ZFYVE9: variants seen among roughly 807,000 people sequenced by gnomAD.
ZFYVE9 encodes the protein zinc finger FYVE-type containing 9.
ZFYVE9 carries 43 observed loss-of-function variants against 126.7 expected under a neutral mutation model. The ratio of observed to expected loss-of-function variants is 0.34; its 90% CI spans 0.27 to 0.44. The LOEUF (loss-of-function observed/expected upper bound fraction) is 0.44. Among genes scored for constraint, ZFYVE9 ranks in the 20% least tolerant of loss-of-function variants. ZFYVE9 has a pLI of 1.00. For synonymous variants in ZFYVE9, 521 were observed against 597.4 expected (o/e 0.87, Z 1.87); for missense variants, 1,476 against 1,697.0 (o/e 0.87, Z 2.29).
intron 13 of ZFYVE9, among the ~76,000 whole-genome samples, chr1:52,318,591 G>A (rs1159596177): frequency 6.6e-6 from 1 of 151,440 alleles, no homozygotes; most frequent in African/African-American, 2.4e-5. Flanking sequence ...ATGTAATAAG[G>A]GGAAAAAAAA....
Position 52,238,888 on chromosome 1 carries a change from G to T in ZFYVE9, c.1471G>T (p.Val491Phe). ...YGMQDPGVSF[V>F]PKTLPSKEDS... is the part of the protein sequence containing the mutation. ...AATGCAAGACCCAGGTGTTTCTTTT[G>T]TTCCAAAGACTTTACCCTCCAAAGA... The change falls in exon 4 of 19, where the codon GTT (valine) becomes TTT (phenylalanine). Residue 491 changes from valine to phenylalanine, a missense_variant. By Grantham distance (50) the Val-to-Phe change is conservative (BLOSUM62 -1). This residue lies in a region of ZFYVE9 where 807 missense variants were observed against 794.6 expected (regional missense o/e 1.02). Transcript: ENST00000287727. 6.2e-7 allele frequency: 1 copy of T among 1,614,000 alleles called. No homozygotes were observed. The highest frequency in any genetic ancestry group is 8.5e-7 in the Non-Finnish European group (1 of 1,179,962).
At chr1:52,171,709 G>A (rs1366484561) in intron 1 of ZFYVE9, among the ~76,000 whole-genome samples, 1 of 152,014 alleles carries the variant, frequency 6.6e-6, no homozygotes, top group African/African-American at 2.4e-5. Flanking sequence ...GTATGAGATG[G>A]TATCTCATTG....
chr1:52,266,405 TA>T (rs33996604), intron 5 of ZFYVE9, among the ~76,000 whole-genome samples: 40,980 of 85,162 alleles, frequency 0.48, 10,047 homozygotes, highest in Middle Eastern at 0.64. Context: ...TCTAATTCTT[TA>T]AAAAAAAAAA....
At chr1:52,212,816 A>G (rs1460043880) in intron 1 of ZFYVE9, among the ~76,000 whole-genome samples, 1 of 152,234 alleles carries the variant, frequency 6.6e-6, no homozygotes, top group Non-Finnish European at 1.5e-5. Context: ...GAGAAATTAC[A>G]TGTAATGTGA....
intron 13 of ZFYVE9, among the ~76,000 whole-genome samples, chr1:52,320,003 G>A (rs1646223545): frequency 7.9e-6 from 1 of 127,026 alleles, no homozygotes; most frequent in Non-Finnish European, 1.7e-5. Context: ...CAGAGAGGGG[G>A]AGATTCTGTC....
At chr1:52,174,055 G>A (rs1377021890) in intron 1 of ZFYVE9, among the ~76,000 whole-genome samples, 2 of 151,724 alleles carry the variant, frequency 1.3e-5, no homozygotes, top group African/African-American at 4.8e-5. Flanking sequence ...GCTTTTGAAT[G>A]TGTTTGCTCT....
At chr1:52,299,062 C>G (rs1557507937) in intron 12 of ZFYVE9, among the ~76,000 whole-genome samples, 1 of 152,130 alleles carries the variant, frequency 6.6e-6, no homozygotes, top group Non-Finnish European at 1.5e-5. Flanking sequence ...CCCGCCTCTG[C>G]CTCCTAAAGT....
intron 10 of ZFYVE9, among the ~76,000 whole-genome samples, chr1:52,287,208 G>C (rs539699433): frequency 6.6e-6 from 1 of 152,206 alleles, no homozygotes; most frequent in African/African-American, 2.4e-5. Context: ...TCCTGCCTCA[G>C]CCTCCCAATT....
At chr1:52,201,704 G>T (rs186286743) in intron 1 of ZFYVE9, among the ~76,000 whole-genome samples, 1 of 151,486 alleles carries the variant, frequency 6.6e-6, no homozygotes, top group Non-Finnish European at 1.5e-5. Context: ...GATGCATTCC[G>T]ACAGTCTGTG....
chr1:52,268,784 A>G (rs1309404615), intron 7 of ZFYVE9, 152 bp downstream of exon 7: 13 of 933,626 alleles, frequency 1.4e-5, no homozygotes, highest in Middle Eastern at 3.5e-4. Context: ...TGTGGCAAAA[A>G]TCAGCTGCTG....
chr1:52,303,799 G>A, intron 12 of ZFYVE9, 22 bp from the exon 13 acceptor site: 1 of 1,477,496 alleles, frequency 6.8e-7, no homozygotes, highest in Non-Finnish European at 9.1e-7. Flanking sequence ...AATTTATTCT[G>A]CTTCAATCTG....
chr1:52,223,326 A>G (rs928174972), intron 2 of ZFYVE9, among the ~76,000 whole-genome samples: 1 of 151,854 alleles, frequency 6.6e-6, no homozygotes, highest in Admixed American at 6.6e-5. Flanking sequence ...TGCTTCCTGT[A>G]TAGGGGTCAG....
chr1:52,156,262 C>A (rs1484435710), intron 1 of ZFYVE9, among the ~76,000 whole-genome samples: 1 of 152,166 alleles, frequency 6.6e-6, no homozygotes, highest in Non-Finnish European at 1.5e-5. Flanking sequence ...TTATCTGCTA[C>A]AACAAACATA....
rs375807420 is a variant in ZFYVE9 at position 52,186,107 on chromosome 1, G to T, written c.-142-30262G>T. ...AATACAGTATTAGCTGGGCTTGGTG[G>T]CAGGCACCTGTAATCCTAGTTACTT... On this transcript the variant is annotated intron_variant, in intron 1 of 18. Coordinates refer to ENST00000287727, the MANE Select transcript of ZFYVE9 (RefSeq NM_004799.4). 7.3e-5 allele frequency among the ~76,000 whole-genome samples: 11 copies of T among 151,360 alleles called. No homozygotes were observed. The East Asian group carries it at 2.1e-3, about 30-fold the overall frequency.
At chr1:52,217,780 T>TCCC (rs1645085858) in intron 2 of ZFYVE9, among the ~76,000 whole-genome samples, 2 of 152,150 alleles carry the variant, frequency 1.3e-5, no homozygotes, top group South Asian at 4.1e-4. Context: ...TTTATGATTG[T>TCCC]CCCATCAGGG....
chr1:52,255,115 GTAAGT>G (rs1191097179), intron 4 of ZFYVE9, among the ~76,000 whole-genome samples: 1 of 151,330 alleles, frequency 6.6e-6, no homozygotes, highest in Non-Finnish European at 1.5e-5. Flanking sequence ...AAGGTTAATG[GTAAGT>G]TAAGTACAAT....
intron 4 of ZFYVE9, among the ~76,000 whole-genome samples, chr1:52,260,741 C>T (rs1280469905): frequency 6.6e-6 from 1 of 152,034 alleles, no homozygotes; most frequent in Non-Finnish European, 1.5e-5. Context: ...GGCTTGAACC[C>T]TAGAGGCGGA....
chr1:52,322,036 C>G (rs1362874567), intron 13 of ZFYVE9, among the ~76,000 whole-genome samples: 1 of 152,180 alleles, frequency 6.6e-6, no homozygotes, highest in Non-Finnish European at 1.5e-5. Context: ...CACTTGACAT[C>G]TCCACTTGCA....
At position 52,303,938 on chromosome 1, in the gene ZFYVE9, A is replaced by G. The variant is rs755753852; in HGVS notation, c.3438+13A>G. 8 of 1,559,480 alleles carry G rather than the reference A, an allele frequency of 5.1e-6. No individual in the cohort carries two copies. Among genetic ancestry groups the G allele is most frequent in the South Asian group, 3.7e-5 (3 of 80,996 alleles). On this transcript the variant is annotated intron_variant, in intron 13 of 18. Transcript: ENST00000287727. ...CAGATACAATGAGGTAAGATTTACC[A>G]TGAAGGCGTATTTTTCATAGTTGAA...
Sources: allele counts gnomAD v4.1 joint callset (sites outside exome capture counted in the v4.1 genomes callset), GRCh38; gene constraint gnomAD v4.1.1; regional missense constraint gnomAD v4.1.1; transcripts MANE v1.5; gene names NCBI Gene and HGNC (gene_info 2026-07-23, HGNC 2026-07-21).